RBFOX1: variants seen among roughly 807,000 people sequenced by gnomAD.
The protein encoded by RBFOX1 is RNA binding protein fox-1 homolog 1.
Under a neutral mutation model 57.7 loss-of-function variants are expected in RBFOX1, and 8 were observed. That is an observed-to-expected ratio of 0.14 (90% CI 0.08 to 0.25). RBFOX1 has a LOEUF of 0.25. RBFOX1 is among the 10% of genes least tolerant of loss of function. The probability of loss-of-function intolerance (pLI) is 1.00; values close to 1 mark genes in which losing one functional copy is unlikely to be tolerated. For synonymous variants in RBFOX1, 326 were observed against 222.4 expected (o/e 1.47, Z -4.15); for missense variants, 611 against 548.5 (o/e 1.11, Z -1.14).
At chr16:6,455,083 C>T (rs142512095) in intron 2 of RBFOX1, among the ~76,000 whole-genome samples, 1,912 of 146,818 alleles carry the variant, frequency 0.013, 40 homozygotes, top group African/African-American at 0.045. Context: ...TTAGTAGAGA[C>T]GGGGTTTCAC....
intron 4 of RBFOX1, among the ~76,000 whole-genome samples, chr16:6,002,380 G>C (rs192719568): frequency 6.6e-6 from 1 of 152,306 alleles, no homozygotes; most frequent in East Asian, 1.9e-4. Context: ...TTTTGACATG[G>C]AGACCCAGAG....
At chr16:6,989,835 A>G (rs945040538) in intron 3 of RBFOX1, among the ~76,000 whole-genome samples, 1 of 152,122 alleles carries the variant, frequency 6.6e-6, no homozygotes, top group South Asian at 2.1e-4. Context: ...TTCCATCTCT[A>G]CTAAAAATAC....
At chr16:7,133,941 A>G (rs2071211906) in intron 4 of RBFOX1, among the ~76,000 whole-genome samples, 1 of 152,192 alleles carries the variant, frequency 6.6e-6, no homozygotes, top group Admixed American at 6.5e-5. Context: ...GCTACTTAAT[A>G]TGTCAGGGTA....
At chr16:6,110,065 A>G (rs531157520) in intron 1 of RBFOX1, among the ~76,000 whole-genome samples, 1 of 152,246 alleles carries the variant, frequency 6.6e-6, no homozygotes, top group Admixed American at 6.5e-5. Context: ...TTATTGTAAA[A>G]CCAAGGATTT....
intron 3 of RBFOX1, among the ~76,000 whole-genome samples, chr16:6,879,124 T>C (rs1206856707): frequency 6.6e-6 from 1 of 152,206 alleles, no homozygotes; most frequent in African/African-American, 2.4e-5. Context: ...AGTTTGACCT[T>C]CATTTCAGCA....
At chr16:6,060,242 C>A (rs2095668301) in intron 1 of RBFOX1, among the ~76,000 whole-genome samples, 1 of 148,150 alleles carries the variant, frequency 6.7e-6, no homozygotes, top group South Asian at 2.2e-4. Context: ...TTTTGGCTCT[C>A]AAATTCTCCT....
At chr16:5,904,818 A>T (rs373931291) in intron 4 of RBFOX1, among the ~76,000 whole-genome samples, 17 of 151,662 alleles carry the variant, frequency 1.1e-4, no homozygotes, top group East Asian at 1.0e-3. Flanking sequence ...TCTACTAAAA[A>T]TACAAAAAGT....
intron 3 of RBFOX1, among the ~76,000 whole-genome samples, chr16:6,979,825 G>C (rs1013008457): frequency 6.6e-6 from 1 of 152,140 alleles, no homozygotes; most frequent in Non-Finnish European, 1.5e-5. Context: ...AATGCCAGAT[G>C]CACTCAGGCT....
In RBFOX1 at chr16:6,486,612, C is replaced by G. The variant is rs563628134; in HGVS notation, c.-63-167991C>G. 6.1e-5 allele frequency among the ~76,000 whole-genome samples: 9 copies of G among 146,786 alleles called. No individual in the cohort carries two copies. In the South Asian group the frequency reaches 1.7e-3, roughly 28 times the overall value. On this transcript the variant is annotated intron_variant, in intron 2 of 15. Transcript: ENST00000550418. ...TCTCCATCTTGTGTTGATTTTCTGA[C>G]GAACATAAAAAGAAATGAGGAAAAA...
At chr16:5,808,611 G>C (rs573866044) in intron 3 of RBFOX1, among the ~76,000 whole-genome samples, 94 of 152,216 alleles carry the variant, frequency 6.2e-4, no homozygotes, top group African/African-American at 2.2e-3. Context: ...GTGGTTTATA[G>C]TTCTCCTTGA....
chr16:6,554,725 GACACACACACACACACAC>G (rs34699308), intron 2 of RBFOX1, among the ~76,000 whole-genome samples: 3 of 148,276 alleles, frequency 2.0e-5, no homozygotes, highest in Non-Finnish European at 4.5e-5. Context: ...AGTAGACACA[GACACACACACACACACAC>G]ACACACACAC....
chr16:7,490,026 T>C (rs1293276138), intron 4 of RBFOX1, among the ~76,000 whole-genome samples: 1 of 152,194 alleles, frequency 6.6e-6, no homozygotes, highest in African/African-American at 2.4e-5. Flanking sequence ...AAGGTAGACC[T>C]GTGTCTCCCC....
intron 1 of RBFOX1, among the ~76,000 whole-genome samples, chr16:5,415,225 C>T (rs868358068): frequency 6.6e-6 from 1 of 152,118 alleles, no homozygotes; most frequent in African/African-American, 2.4e-5. Context: ...AGGAAACTTA[C>T]AATCATGGCA....
chr16:7,414,304 G>T (rs1174320533), intron 4 of RBFOX1, among the ~76,000 whole-genome samples: 2 of 152,232 alleles, frequency 1.3e-5, no homozygotes, highest in African/African-American at 4.8e-5. Flanking sequence ...ATGTTCACTG[G>T]CCAGGTTATG....
chr16:6,506,623 AATTTTTTTTTTTTTTT>A (rs2096099643), intron 2 of RBFOX1, among the ~76,000 whole-genome samples: 4 of 122,326 alleles, frequency 3.3e-5, no homozygotes, highest in Admixed American at 9.3e-5. Context: ...CACAGTAGCT[AATTTTTTTTTTTTTTT>A]TTTTTTTTTT....
At chr16:5,502,214 C>A (rs17137973) in intron 2 of RBFOX1, among the ~76,000 whole-genome samples, 5,237 of 152,122 alleles carry the variant, frequency 0.034, 317 homozygotes, top group African/African-American at 0.12. Flanking sequence ...CAGCTTTGGG[C>A]AGAAGGATTA....
chr16:6,416,045 T>C (rs935023121), intron 2 of RBFOX1, among the ~76,000 whole-genome samples: 1 of 152,206 alleles, frequency 6.6e-6, no homozygotes, highest in African/African-American at 2.4e-5. Context: ...CTACAACAGG[T>C]GTGCCAAATA....
At chr16:7,062,486 C>G (rs554609854) in intron 4 of RBFOX1, among the ~76,000 whole-genome samples, 1 of 152,036 alleles carries the variant, frequency 6.6e-6, no homozygotes, top group East Asian at 1.9e-4. Context: ...GCAGTATATG[C>G]TTCCTTGTTG....
chr16:6,447,876 G>C (rs7187017), intron 2 of RBFOX1, among the ~76,000 whole-genome samples: 2,539 of 152,234 alleles, frequency 0.017, 62 homozygotes, highest in African/African-American at 0.057. Context: ...GAGTGAACCT[G>C]TGTGTTAGGA....
Sources: allele counts gnomAD v4.1 joint callset (sites outside exome capture counted in the v4.1 genomes callset), GRCh38; gene constraint gnomAD v4.1.1; transcripts MANE v1.5; gene names NCBI Gene and HGNC (gene_info 2026-07-23, HGNC 2026-07-21).